Variants in LYPD6B observed in about 807,000 individuals in gnomAD.
LYPD6B encodes ly6/PLAUR domain-containing protein 6B.
A neutral mutation model predicts 22.8 loss-of-function variants in LYPD6B; 17 were observed. The observed-to-expected ratio is 0.75, with a 90% confidence interval of 0.51 to 1.12. The LOEUF is 1.12. Ranked by LOEUF, LYPD6B falls within the 50% of genes most tolerant of loss-of-function variation. LYPD6B has a pLI of 0.00. For missense variants in LYPD6B, 221 were observed against 258.3 expected (o/e 0.86, Z 0.99); for synonymous variants, 106 against 91.6 (o/e 1.16, Z -0.90).
At chr2:149,068,863 C>T in intron 1 of LYPD6B, 1 of 334,580 alleles carries the variant, frequency 3.0e-6, no homozygotes, top group Non-Finnish European at 6.2e-6. Context: ...CGCCTGCAGC[C>T]TCCAAGGCTT....
chr2:149,189,998 C>A (rs1692390667), intron 3 of LYPD6B, among the ~76,000 whole-genome samples: 1 of 152,156 alleles, frequency 6.6e-6, no homozygotes, highest in Non-Finnish European at 1.5e-5. Flanking sequence ...TTGAATGAGT[C>A]ATGCATTCAC....
chr2:149,212,268 G>A (rs966781962), intron 5 of LYPD6B, among the ~76,000 whole-genome samples: 4 of 146,982 alleles, frequency 2.7e-5, no homozygotes, highest in Admixed American at 7.1e-5. Context: ...TGTAGTCCCA[G>A]CTACTCAGGA....
intron 2 of LYPD6B, among the ~76,000 whole-genome samples, chr2:149,148,202 T>C (rs1689157505): frequency 6.6e-6 from 1 of 152,192 alleles, no homozygotes; most frequent in African/African-American, 2.4e-5. Flanking sequence ...TCTTGGATAT[T>C]TCTTCTAAAA....
intron 1 of LYPD6B, among the ~76,000 whole-genome samples, chr2:149,043,775 C>G (rs1683190648): frequency 6.6e-6 from 1 of 152,020 alleles, no homozygotes. Flanking sequence ...ACACTTAGGT[C>G]TATGATCCAT....
chr2:149,044,119 C>G (rs1683205304), intron 1 of LYPD6B, among the ~76,000 whole-genome samples: 1 of 151,918 alleles, frequency 6.6e-6, no homozygotes. Context: ...GTTCTTTTGC[C>G]TTTCCATATG....
chr2:149,111,155 C>T (rs1242323675), intron 1 of LYPD6B, among the ~76,000 whole-genome samples: 1 of 151,926 alleles, frequency 6.6e-6, no homozygotes, highest in African/African-American at 2.4e-5. Flanking sequence ...AGAGGGACCC[C>T]CAGGAGGATG....
At chr2:149,084,099 A>AAAAAT (rs10700898) in intron 1 of LYPD6B, among the ~76,000 whole-genome samples, 47,179 of 150,760 alleles carry the variant, frequency 0.31, 7,650 homozygotes, top group East Asian at 0.52. Context: ...ACTCCATCTC[A>AAAAAT]AAAATAAAAT....
chr2:149,136,265 T>C (rs1019200954), intron 2 of LYPD6B, among the ~76,000 whole-genome samples: 10 of 152,222 alleles, frequency 6.6e-5, no homozygotes, highest in African/African-American at 2.2e-4. Context: ...CCCTTGGTGC[T>C]AAGTGCCTGA....
intron 1 of LYPD6B, among the ~76,000 whole-genome samples, chr2:149,121,358 G>A (rs1415980353): frequency 6.6e-6 from 1 of 152,102 alleles, no homozygotes; most frequent in Admixed American, 6.6e-5. Flanking sequence ...CTTCCCTGAG[G>A]GATGGTGAGT....
At chr2:149,148,153 T>C (rs1689153607) in intron 2 of LYPD6B, among the ~76,000 whole-genome samples, 1 of 152,200 alleles carries the variant, frequency 6.6e-6, no homozygotes, top group Non-Finnish European at 1.5e-5. Context: ...CCTTTCTGAA[T>C]TGAGCAGCTG....
chr2:149,052,504 A>G (rs981847476), intron 1 of LYPD6B, among the ~76,000 whole-genome samples: 3 of 152,364 alleles, frequency 2.0e-5, no homozygotes, highest in African/African-American at 7.2e-5. Flanking sequence ...TAATCTATCA[A>G]AGGCATGCAA....
chr2:149,159,587 TGC>T lies in LYPD6B; in HGVS notation c.6-1175_6-1174del, dbSNP rs1325010852. 2.0e-4 allele frequency among the ~76,000 whole-genome samples: 21 copies of T among 103,600 alleles called. 1 individual carries two copies. Among genetic ancestry groups the T allele is most frequent in the South Asian group, 8.3e-4 (3 of 3,618 alleles). 68.0% of individuals were successfully genotyped at this position (103,600 alleles called of 152,430 possible). On this transcript the variant is annotated intron_variant, in intron 2 of 6. Coordinates refer to ENST00000409642, the MANE Select transcript of LYPD6B (RefSeq NM_177964.5). ...AACCCTGCCCGAGAGAGCATATGTG[TGC>T]GTGTGTGTGTGTGTGTGTGTGTGTG... is the stretch of plus-strand genomic sequence containing the variant.
intron 2 of LYPD6B, among the ~76,000 whole-genome samples, chr2:149,151,719 C>T (rs1469202180): frequency 6.6e-6 from 1 of 152,116 alleles, no homozygotes; most frequent in Admixed American, 6.5e-5. Context: ...TTGTACTTTT[C>T]TGTATATATT....
chr2:149,138,434 A>C (rs972900254), intron 2 of LYPD6B, among the ~76,000 whole-genome samples: 4 of 152,244 alleles, frequency 2.6e-5, no homozygotes, highest in African/African-American at 9.6e-5. Flanking sequence ...TTGCCACATA[A>C]GCAGGTGCAG....
At chr2:149,148,571 G>T (rs1689176464) in intron 2 of LYPD6B, among the ~76,000 whole-genome samples, 1 of 152,110 alleles carries the variant, frequency 6.6e-6, no homozygotes, top group Non-Finnish European at 1.5e-5. Context: ...ATACATTTTT[G>T]GCCTGTCTCT....
intron 3 of LYPD6B, among the ~76,000 whole-genome samples, chr2:149,184,328 T>C (rs1183414974): frequency 1.3e-5 from 2 of 152,136 alleles, no homozygotes; most frequent in African/African-American, 4.8e-5. Flanking sequence ...GCCAAGGACA[T>C]GGGATACATT....
At chr2:149,072,870 A>G (rs1264410459) in intron 1 of LYPD6B, among the ~76,000 whole-genome samples, 2 of 152,150 alleles carry the variant, frequency 1.3e-5, no homozygotes, top group African/African-American at 2.4e-5. Context: ...TGGTCAGGAA[A>G]GCCTGAGACA....
chr2:149,160,500 A>G (rs1410944773), intron 2 of LYPD6B: 1 of 572,404 alleles, frequency 1.7e-6, no homozygotes, highest in Admixed American at 2.2e-5. Context: ...TTCACCAATT[A>G]TTACCATTCT....
At chr2:149,111,484 GGA>G (rs1414078438) in intron 1 of LYPD6B, among the ~76,000 whole-genome samples, 1 of 152,060 alleles carries the variant, frequency 6.6e-6, no homozygotes, top group Non-Finnish European at 1.5e-5. Context: ...ATGGGGGTGG[GGA>G]GAGAGAGCTT....
Sources: allele counts gnomAD v4.1 joint callset (sites outside exome capture counted in the v4.1 genomes callset), GRCh38; gene constraint gnomAD v4.1.1; transcripts MANE v1.5; gene names NCBI Gene and HGNC (gene_info 2026-07-23, HGNC 2026-07-21).